DGKH: variants seen among roughly 807,000 people sequenced by gnomAD.
DGKH encodes the protein DAG kinase eta.
In DGKH, 90 loss-of-function variants were observed where a neutral mutation model predicts 159.3. The observed-to-expected ratio is 0.57, with a 90% CI of 0.48 to 0.67. The LOEUF (loss-of-function observed/expected upper bound fraction) is 0.67. DGKH is among the 30% of genes least tolerant of loss of function. DGKH has a pLI of 0.00. For missense variants in DGKH, 1,181 were observed against 1,506.1 expected (o/e 0.78, Z 3.57); for synonymous variants, 536 against 553.8 (o/e 0.97, Z 0.45).
intron 1 of DGKH, among the ~76,000 whole-genome samples, chr13:42,055,084 C>T (rs945852718): frequency 5.3e-5 from 8 of 152,114 alleles, no homozygotes; most frequent in Non-Finnish European, 7.4e-5. Context: ...ACCTTCTTAG[C>T]TCGTCGACTA....
chr13:42,234,184 T>G lies in DGKH; in HGVS notation c.*4996T>G, dbSNP rs1265213486. On this transcript the variant is annotated 3_prime_UTR_variant, in exon 30 of 30. Coordinates refer to ENST00000337343, the MANE Select transcript of DGKH (RefSeq NM_178009.5). ...CAATGAGACTTATTTTCAGGAATCCTTCTCTTAATAACTTTTACATATTGA... is the reference window on the plus strand; with the variant it reads ...CAATGAGACTTATTTTCAGGAATCCGTCTCTTAATAACTTTTACATATTGA... 1 of 152,242 alleles carries G rather than the reference T, an allele frequency of 6.6e-6. No individual in the cohort carries two copies. Among genetic ancestry groups the G allele is most frequent in the Non-Finnish European group, 1.5e-5 (1 of 68,042 alleles). 9.4% of individuals were successfully genotyped at this position (152,242 alleles called of 1,614,324 possible).
chr13:42,088,273 GCTAT>G (rs956838051), intron 1 of DGKH, among the ~76,000 whole-genome samples: 2 of 152,146 alleles, frequency 1.3e-5, no homozygotes, highest in African/African-American at 4.8e-5. Flanking sequence ...TTTAAAGGAA[GCTAT>G]CTAGGCCAAA....
chr13:42,221,729 A>G (rs1463574883), intron 29 of DGKH, among the ~76,000 whole-genome samples: 1 of 152,216 alleles, frequency 6.6e-6, no homozygotes, highest in African/African-American at 2.4e-5. Flanking sequence ...GGAAGGTGAT[A>G]ATTTGGCTGA....
In DGKH at chr13:42,158,503, T is replaced by A. The variant is rs145674314; in HGVS notation, c.623-763T>A. Among the ~76,000 whole-genome samples the A allele has an allele frequency of 3.1e-3, 470 of 152,358 alleles. 2 individuals carry two copies. The highest frequency in any genetic ancestry group is 0.011 in the African/African-American group (441 of 41,576). ...AATTTTTCAAATAACCTATAGTTCA[T>A]TTGTTTTTCCATATATGTGCTGCTT... On this transcript the variant is annotated intron_variant, in intron 5 of 29. Coordinates refer to ENST00000337343, the MANE Select transcript of DGKH (RefSeq NM_178009.5).
intron 1 of DGKH, chr13:42,069,324 G>T: frequency 2.5e-6 from 3 of 1,214,230 alleles, no homozygotes; most frequent in South Asian, 2.7e-5. Flanking sequence ...CCAAGAAGAT[G>T]GGTACAAAGT....
chr13:42,137,953 G>A (rs9594685), intron 3 of DGKH: 46,958 of 314,770 alleles, frequency 0.15, 3,942 homozygotes, highest in Admixed American at 0.22. Flanking sequence ...TGAATTCGTG[G>A]AGGAATAATT....
intron 1 of DGKH, chr13:42,070,128 A>G: frequency 1.1e-6 from 1 of 940,252 alleles, no homozygotes; most frequent in Non-Finnish European, 1.8e-6. Context: ...TATCCATTGG[A>G]AAAGAACATA....
rs564933026 is a variant in DGKH, at chr13:42,255,856, A to T, written n.4128-428A>T. ...AAAAGGGCAGCCCATTTTTATCTTCAAAAAAGAGACTGATAGAGAAGGTTG... is the reference window on the plus strand; with the variant it reads ...AAAAGGGCAGCCCATTTTTATCTTCTAAAAAGAGACTGATAGAGAAGGTTG... On this transcript the variant is annotated intron_variant and non_coding_transcript_variant, in intron 30 of 30. Transcript: ENST00000498255. The T allele has an allele frequency of 2.4e-5, 22 of 913,386 alleles. No individual in the cohort carries two copies. In the African/African-American group the frequency reaches 3.5e-4, roughly 15 times the overall value. 56.6% of individuals were successfully genotyped at this position (913,386 alleles called of 1,614,324 possible).
chr13:42,199,572 A>G lies in DGKH; in HGVS notation c.2292A>G (p.Gly764=). 8 of 1,581,250 alleles carry G rather than the reference A, an allele frequency of 5.1e-6. No homozygotes were observed. The highest frequency in any genetic ancestry group is 6.0e-6 in the Non-Finnish European group (7 of 1,166,782). The change falls in exon 19 of 30, where the codon GGA becomes GGG. Residue 764 remains glycine, a synonymous_variant. Transcript: ENST00000337343. The part of the protein sequence containing the change: ...FIDPDLDSVD[G]YSEKCVMNNY... ...CTTTTCCCTGTGATCATAGAGATGG[A>G]TATTCAGAAAAATGTGTCATGAACA...
chr13:42,239,242 C>A lies in DGKH; in HGVS notation c.*10054C>A, dbSNP rs1207974449. The A allele has an allele frequency of 6.6e-6, 1 of 152,184 alleles. No homozygotes were observed. Among genetic ancestry groups the A allele is most frequent in the Non-Finnish European group, 1.5e-5 (1 of 67,990 alleles). 9.4% of individuals were successfully genotyped at this position (152,184 alleles called of 1,614,324 possible). A position where few individuals can be genotyped will look rare whatever the true frequency, so the allele number is the denominator to read the frequency against. ...TTGCGCAGCATTTTAAAAAAATATA[C>A]ATAATTATGAGGATGAGAGAATTGC... On this transcript the variant is annotated 3_prime_UTR_variant, in exon 30 of 30. Coordinates refer to ENST00000337343, the MANE Select transcript of DGKH (RefSeq NM_178009.5).
intron 1 of DGKH, among the ~76,000 whole-genome samples, chr13:42,115,411 G>A (rs1954946540): frequency 6.6e-6 from 1 of 152,018 alleles, no homozygotes; most frequent in Admixed American, 6.6e-5. Flanking sequence ...CTATAGGAGA[G>A]ACCCAGGCAT....
chr13:42,187,122 G>T lies in DGKH; in HGVS notation c.1612G>T (p.Val538Phe), dbSNP rs201754211. ...KTYDKTLENA[V>F]VADAVASKCS... is the part of the protein sequence containing the mutation. Reference sequence around the variant, plus strand: ...GTATGACAAAACCTTGGAAAATGCCGTTGTAGCTGATGCCGTGGCCAGTAA... The same window carrying T: ...GTATGACAAAACCTTGGAAAATGCCTTTGTAGCTGATGCCGTGGCCAGTAA... Residue 538 changes from valine (V) to phenylalanine (F), a missense_variant, in exon 14 of 30, where the codon GTT becomes TTT. Physicochemically the swap from Val to Phe is conservative, Grantham distance 50. Transcript: ENST00000337343. 6.2e-7 allele frequency: 1 copy of T among 1,614,018 alleles called. No individual in the cohort carries two copies.
chr13:42,147,693 G>T (rs1286814737), intron 3 of DGKH, among the ~76,000 whole-genome samples: 1 of 152,172 alleles, frequency 6.6e-6, no homozygotes, highest in Admixed American at 6.5e-5. Flanking sequence ...CAGTGGGAGT[G>T]TGTGTGAAAG....
upstream of DGKH, among the ~76,000 whole-genome samples, chr13:42,045,516 A>C (rs897540445): frequency 1.3e-5 from 2 of 152,236 alleles, no homozygotes; most frequent in Non-Finnish European, 2.9e-5. Context: ...GACCATATGT[A>C]TATGCAGTTA....
At chr13:42,146,149 G>GTTT (rs1594091910) in intron 3 of DGKH, among the ~76,000 whole-genome samples, 8 of 76,240 alleles carry the variant, frequency 1.0e-4, no homozygotes, top group African/African-American at 2.5e-4. Context: ...TTCTGGGGAG[G>GTTT]CTTTTTTTTT....
chr13:42,174,846 C>T (rs1324770577), intron 12 of DGKH, among the ~76,000 whole-genome samples: 1 of 152,188 alleles, frequency 6.6e-6, no homozygotes, highest in East Asian at 1.9e-4. Flanking sequence ...GCTGGGATTA[C>T]AGGCATGAGA....
chr13:42,214,497 T>G lies in DGKH; in HGVS notation c.3015-10T>G, dbSNP rs775875710. The G allele has an allele frequency of 1.2e-6, 2 of 1,601,186 alleles. No individual in the cohort carries two copies. The highest frequency in any genetic ancestry group is 1.1e-5 in the South Asian group (1 of 87,680). On this transcript the variant is annotated splice_polypyrimidine_tract_variant and intron_variant, in intron 24 of 29. Coordinates refer to ENST00000337343, the MANE Select transcript of DGKH (RefSeq NM_178009.5). ...AGTTTTTTATTCATTTGTTTCATTT[T>G]TGCTTTTAGGATATGTGACGCAGCC...
chr13:42,088,198 T>C (rs1954345573), intron 1 of DGKH, among the ~76,000 whole-genome samples: 1 of 151,940 alleles, frequency 6.6e-6, no homozygotes, highest in South Asian at 2.1e-4. Context: ...GAAGGCAAAA[T>C]AAATAATTTT....
chr13:42,095,719 C>T (rs951834126), intron 1 of DGKH, among the ~76,000 whole-genome samples: 21 of 152,004 alleles, frequency 1.4e-4, no homozygotes, highest in African/African-American at 4.8e-4. Context: ...TTTATATGCC[C>T]CACTTCTATA....
Sources: gnomAD v4.1 joint callset for allele counts (sites outside exome capture counted in the v4.1 genomes callset) on GRCh38, gnomAD v4.1.1 for gene constraint, MANE v1.5 for transcripts, NCBI Gene and HGNC (gene_info 2026-07-23, HGNC 2026-07-21) for gene names.